LMBRD1: variants seen among roughly 807,000 people sequenced by gnomAD.
The protein encoded by LMBRD1 is LMBR1 domain containing 1.
LMBRD1 carries 64 observed loss-of-function variants against 74.8 expected under a neutral mutation model. The observed-to-expected ratio is 0.86, with a 90% CI of 0.70 to 1.05. The LOEUF is 1.05. LMBRD1 is among the 50% of genes least tolerant of loss of function. The probability of loss-of-function intolerance (pLI) is 0.00; values close to 1 mark genes in which losing one functional copy is unlikely to be tolerated. For synonymous variants in LMBRD1, 204 were observed against 216.3 expected, an observed-to-expected ratio of 0.94 and a Z score of 0.50; for missense variants, 652 against 645.9, an observed-to-expected ratio of 1.01 and a Z score of -0.10.
intron 14 of LMBRD1, among the ~76,000 whole-genome samples, chr6:69,687,271 T>C (rs1247473655): frequency 6.6e-6 from 1 of 152,164 alleles, no homozygotes; most frequent in Non-Finnish European, 1.5e-5. Context: ...ATTCCCTTTC[T>C]CCTGTACCTA....
At chr6:69,776,888 C>T (rs2149891101) in intron 3 of LMBRD1, among the ~76,000 whole-genome samples, 1 of 152,312 alleles carries the variant, frequency 6.6e-6, no homozygotes, top group East Asian at 1.9e-4. Context: ...GGTGCAGTGG[C>T]TCACGTCTGT....
chr6:69,771,576 G>C (rs1309139234), intron 3 of LMBRD1, among the ~76,000 whole-genome samples: 1 of 152,212 alleles, frequency 6.6e-6, no homozygotes, highest in Non-Finnish European at 1.5e-5. Flanking sequence ...GGACAGCACT[G>C]TGGGCCATCA....
At chr6:69,751,809 G>C (rs1026618200) in intron 4 of LMBRD1, among the ~76,000 whole-genome samples, 1 of 152,198 alleles carries the variant, frequency 6.6e-6, no homozygotes, top group African/African-American at 2.4e-5. Context: ...TGGCAGACTT[G>C]AGTGGCTAAG....
At chr6:69,732,268 A>C (rs1315028385) in intron 7 of LMBRD1, among the ~76,000 whole-genome samples, 2 of 152,166 alleles carry the variant, frequency 1.3e-5, no homozygotes, top group African/African-American at 4.8e-5. Flanking sequence ...GAGATAACTG[A>C]GTCATGAGGG....
At chr6:69,791,738 C>T (rs1766091170) in intron 1 of LMBRD1, among the ~76,000 whole-genome samples, 1 of 152,232 alleles carries the variant, frequency 6.6e-6, no homozygotes, top group Non-Finnish European at 1.5e-5. Context: ...TCCATCATCT[C>T]AGAAAATTCC....
At chr6:69,721,294 A>G (rs1344047957) in intron 7 of LMBRD1, among the ~76,000 whole-genome samples, 6 of 152,114 alleles carry the variant, frequency 3.9e-5, no homozygotes, top group African/African-American at 1.4e-4. Context: ...TCCCAACCCC[A>G]TGAAGTGCAG....
chr6:69,777,326 G>T (rs1258830987), intron 3 of LMBRD1, among the ~76,000 whole-genome samples: 2 of 151,680 alleles, frequency 1.3e-5, no homozygotes, highest in Non-Finnish European at 2.9e-5. Flanking sequence ...GATGACATGT[G>T]CCTATAATCC....
chr6:69,790,405 G>A lies in LMBRD1; in HGVS notation c.137C>T (p.Ser46Phe), dbSNP rs1256797780. The change falls in exon 2 of 16, where the codon TCC becomes TTC. Residue 46 changes from serine to phenylalanine, a missense_variant. Ser to Phe is a radical substitution (Grantham distance 155, BLOSUM62 -2). Transcript: ENST00000649934. ...YQSRRESEVV[S>F]TITAIFSLAI... is the part of the protein sequence containing the mutation. ...TAGAGAAAAAATTGCTGTTATGGTG[G>A]AGACAACTTCACTTTCCCGCCGACT... The A allele has an allele frequency of 6.2e-7, 1 of 1,613,980 alleles. No individual in the cohort carries two copies. Among genetic ancestry groups the A allele is most frequent in the South Asian group, 1.1e-5 (1 of 91,080 alleles).
At chr6:69,679,943 T>C (rs1765626535) in intron 14 of LMBRD1, among the ~76,000 whole-genome samples, 1 of 152,152 alleles carries the variant, frequency 6.6e-6, no homozygotes, top group Admixed American at 6.6e-5. Context: ...ACTCAAATGG[T>C]TGCAAGTCTT....
At chr6:69,709,105 A>T (rs1357365519) in intron 9 of LMBRD1, among the ~76,000 whole-genome samples, 1 of 152,072 alleles carries the variant, frequency 6.6e-6, no homozygotes, top group Non-Finnish European at 1.5e-5. Flanking sequence ...GTGGTGGCAC[A>T]TGTCTGTAAT....
chr6:69,767,318 A>C (rs1018177650), intron 3 of LMBRD1, among the ~76,000 whole-genome samples: 1 of 151,522 alleles, frequency 6.6e-6, no homozygotes, highest in Non-Finnish European at 1.5e-5. Flanking sequence ...ATTCTTTTTT[A>C]AAAGAGGGAT....
At chr6:69,685,361 C>T (rs1765741625) in intron 14 of LMBRD1, among the ~76,000 whole-genome samples, 1 of 152,092 alleles carries the variant, frequency 6.6e-6, no homozygotes, top group African/African-American at 2.4e-5. Context: ...TCCTTAAATC[C>T]TAGACTGAAT....
chr6:69,795,499 C>T (rs977979243), intron 1 of LMBRD1, among the ~76,000 whole-genome samples: 2 of 152,156 alleles, frequency 1.3e-5, no homozygotes, highest in African/African-American at 4.8e-5. Context: ...ACTTCTGTAC[C>T]GTAAATGTTT....
At chr6:69,754,652 C>T (rs1311270538) in intron 3 of LMBRD1, among the ~76,000 whole-genome samples, 2 of 152,106 alleles carry the variant, frequency 1.3e-5, no homozygotes, top group African/African-American at 4.8e-5. Context: ...GTTTCTACTA[C>T]AAACCAAAGA....
intron 7 of LMBRD1, among the ~76,000 whole-genome samples, chr6:69,735,981 C>T (rs1046334232): frequency 5.3e-5 from 8 of 152,140 alleles, no homozygotes; most frequent in Non-Finnish European, 8.8e-5. Context: ...CTCACACTTA[C>T]TCTTCTGTCA....
At chr6:69,681,195 A>G (rs1337715477) in intron 14 of LMBRD1, among the ~76,000 whole-genome samples, 3 of 152,182 alleles carry the variant, frequency 2.0e-5, no homozygotes, top group East Asian at 1.9e-4. Flanking sequence ...GAAAGTGGCC[A>G]TACAAAAAAG....
In LMBRD1 at chr6:69,683,221, T is replaced by C. The variant is rs549883363; in HGVS notation, c.1418-6680A>G. 2.1e-4 allele frequency among the ~76,000 whole-genome samples: 32 copies of C among 152,086 alleles called. No individual in the cohort carries two copies. In the South Asian group the frequency reaches 2.9e-3, roughly 14 times the overall value. ...TCTGCATCGCAATCTTGATTGACAA[T>C]AGACATAATACATCAGGCTATCTAA... On this transcript the variant is annotated intron_variant, in intron 14 of 15. Coordinates refer to ENST00000649934, the MANE Select transcript of LMBRD1 (RefSeq NM_018368.4).
chr6:69,705,861 T>TCC, intron 9 of LMBRD1: 1 of 1,337,624 alleles, frequency 7.5e-7, no homozygotes, highest in East Asian at 2.3e-5. Context: ...ACTTCAACCG[T>TCC]AAGACCACTG....
rs1445911557 is a variant in LMBRD1, at chr6:69,683,958, AG to A, written c.1418-7418del. Among the ~76,000 whole-genome samples the A allele has an allele frequency of 8.5e-5, 13 of 152,244 alleles. No homozygotes were observed. In the East Asian group the frequency reaches 2.1e-3, roughly 25 times the overall value. On this transcript the variant is annotated intron_variant, in intron 14 of 15. Transcript: ENST00000649934. ...TCCCAGATGCATGCACAGAGTTACC[AG>A]CAATGACACTTCCCAGTTCCTGATA...
Sources: gnomAD v4.1 joint callset for allele counts (sites outside exome capture counted in the v4.1 genomes callset) on GRCh38, gnomAD v4.1.1 for gene constraint, MANE v1.5 for transcripts, NCBI Gene and HGNC (gene_info 2026-07-23, HGNC 2026-07-21) for gene names.